DACH2: variants seen among roughly 807,000 people sequenced by gnomAD.
DACH2 encodes the protein dachshund family transcription factor 2.
DACH2 carries 17 observed loss-of-function variants against 35.8 expected under a neutral mutation model. That is an observed-to-expected ratio of 0.48 (90% CI 0.33 to 0.71). DACH2 has a LOEUF of 0.71. Among genes scored for constraint, DACH2 ranks in the 30% least tolerant of loss-of-function variants. The pLI, the probability that DACH2 is intolerant of heterozygous loss-of-function variation, is 0.02. For missense variants in DACH2, 469 were observed against 472.7 expected, an observed-to-expected ratio of 0.99 and a Z score of 0.07; for synonymous variants, 195 against 177.3, an observed-to-expected ratio of 1.10 and a Z score of -0.79.
At chrX:86,743,925 T>A (rs1478656902) in intron 7 of DACH2, among the ~76,000 whole-genome samples, 1 of 111,255 alleles carries the variant, frequency 9.0e-6, no homozygotes, top group Non-Finnish European at 1.9e-5. Flanking sequence ...TCCCACCATG[T>A]CATGATTATT....
chrX:86,430,339 AATGTTAAATAACTC>A (rs1387638018), intron 2 of DACH2, among the ~76,000 whole-genome samples: 13 of 112,300 alleles, frequency 1.2e-4, no homozygotes. Context: ...TAGTATGGAA[AATGTTAAATAACTC>A]ATTAATAATT....
rs113856961 is a variant in DACH2 at position 86,740,015 on chromosome X, C to G, written c.1240+133C>G. 9.5e-3 allele frequency: 5,497 copies of G among 578,432 alleles called. 214 individuals are homozygous for G. In the African/African-American group the frequency reaches 0.11, roughly 12 times the overall value. 47.7% of individuals were successfully genotyped at this position (578,432 alleles called of 1,213,427 possible). A position where few individuals can be genotyped will look rare whatever the true frequency, so the allele number is the denominator to read the frequency against. On this transcript the variant is annotated intron_variant, in intron 7 of 11. Coordinates refer to ENST00000373125, the MANE Select transcript of DACH2 (RefSeq NM_053281.3). ...TATAAATAGCTTTTTGAAATTTGGTCTTTTGTAATTGCTGAAACAATATGA... is the reference window on the plus strand; with the variant it reads ...TATAAATAGCTTTTTGAAATTTGGTGTTTTGTAATTGCTGAAACAATATGA...
At chrX:86,453,411 G>A (rs956078173) in intron 2 of DACH2, among the ~76,000 whole-genome samples, 1 of 111,620 alleles carries the variant, frequency 9.0e-6, no homozygotes, top group Admixed American at 9.5e-5. Flanking sequence ...TGTCAGTGAG[G>A]TTTTAACTTC....
chrX:86,480,735 A>G (rs1377306258), intron 2 of DACH2, among the ~76,000 whole-genome samples: 1 of 112,244 alleles, frequency 8.9e-6, no homozygotes, highest in Non-Finnish European at 1.9e-5. Context: ...AGAAATAAAA[A>G]CCATATAATC....
chrX:86,544,377 TA>T (rs773731370), intron 3 of DACH2, among the ~76,000 whole-genome samples: 24 of 111,142 alleles, frequency 2.2e-4, no homozygotes, highest in Non-Finnish European at 4.3e-4. Context: ...GAAAACATGT[TA>T]AAATCAGCTA....
At chrX:86,534,403 A>C (rs923545697) in intron 3 of DACH2, among the ~76,000 whole-genome samples, 3 of 112,489 alleles carry the variant, frequency 2.7e-5, no homozygotes, top group African/African-American at 9.7e-5. Context: ...GTTGGATGAC[A>C]AGATGACACA....
chrX:86,477,339 CATATATATAT>C (rs56255658), intron 2 of DACH2, among the ~76,000 whole-genome samples: 102 of 75,847 alleles, frequency 1.3e-3, no homozygotes, highest in Non-Finnish European at 1.7e-3. Flanking sequence ...GTGTTGAGTG[CATATATATAT>C]ATATATATAT....
At chrX:86,311,422 G>T (rs1416848308) in intron 1 of DACH2, among the ~76,000 whole-genome samples, 5 of 111,858 alleles carry the variant, frequency 4.5e-5, no homozygotes, top group African/African-American at 1.3e-4. Flanking sequence ...GTCTTTTGAA[G>T]TCACAATTAC....
chrX:86,235,071 G>T (rs1477175180), intron 1 of DACH2, among the ~76,000 whole-genome samples: 1 of 111,639 alleles, frequency 9.0e-6, no homozygotes, highest in Non-Finnish European at 1.9e-5. Context: ...CAGTTTCTCA[G>T]ATTTGCCTTG....
intron 2 of DACH2, among the ~76,000 whole-genome samples, chrX:86,436,953 T>C (rs767093145): frequency 1.8e-5 from 2 of 111,498 alleles, no homozygotes; most frequent in Non-Finnish European, 3.8e-5. Flanking sequence ...TATATTCATA[T>C]ACTATCCTTA....
intron 3 of DACH2, among the ~76,000 whole-genome samples, chrX:86,578,933 A>G (rs1225332102): frequency 3.6e-5 from 4 of 111,588 alleles, no homozygotes; most frequent in African/African-American, 1.3e-4. Context: ...ATATATTTCT[A>G]AATTTTAGCC....
At chrX:86,641,245 T>C (rs2040343571) in intron 3 of DACH2, among the ~76,000 whole-genome samples, 1 of 111,749 alleles carries the variant, frequency 8.9e-6, no homozygotes, top group African/African-American at 3.3e-5. Context: ...AAACAGTCAG[T>C]GTAAAGAAGA....
At chrX:86,421,433 G>A (rs923951151) in intron 2 of DACH2, among the ~76,000 whole-genome samples, 19 of 111,296 alleles carry the variant, frequency 1.7e-4, no homozygotes, top group African/African-American at 5.2e-4. Context: ...AAGATTTAAG[G>A]CAACTCATTT....
chrX:86,336,704 C>G (rs1356286701), intron 1 of DACH2, among the ~76,000 whole-genome samples: 3 of 110,643 alleles, frequency 2.7e-5, no homozygotes, highest in African/African-American at 9.9e-5. Context: ...AGCAAGGGAA[C>G]AAAACTGGAT....
chrX:86,600,200 G>GA (rs372849528), intron 3 of DACH2, among the ~76,000 whole-genome samples: 5 of 111,608 alleles, frequency 4.5e-5, no homozygotes, highest in African/African-American at 1.6e-4. Context: ...AGATTTAGCA[G>GA]ATATTTTTTA....
intron 1 of DACH2, 117 bp downstream of exon 1, chrX:86,149,225 T>G (rs2030273922): frequency 2.3e-6 from 2 of 875,208 alleles, no homozygotes; most frequent in Middle Eastern, 5.9e-4. Flanking sequence ...TTTGCCTCTA[T>G]TCTTCACGCT....
intron 3 of DACH2, among the ~76,000 whole-genome samples, chrX:86,528,408 A>G (rs138845165): frequency 1.6e-3 from 184 of 111,559 alleles, no homozygotes; most frequent in African/African-American, 5.6e-3. Context: ...TGGCAAGGGC[A>G]TTGTGAAAAA....
intron 5 of DACH2, among the ~76,000 whole-genome samples, chrX:86,705,050 C>CATATATATATATATATCTTACATATAT (rs1556379565): frequency 1.7e-4 from 13 of 75,274 alleles, no homozygotes; most frequent in African/African-American, 6.3e-4. Flanking sequence ...ATATATCTCA[C>CATATATATATATATATCTTACATATAT]ATATATATAT....
At chrX:86,676,269 T>C (rs1220040616) in intron 4 of DACH2, among the ~76,000 whole-genome samples, 1 of 112,106 alleles carries the variant, frequency 8.9e-6, no homozygotes. Context: ...AAAAAGACAT[T>C]GGTGCTTTGT....
Sources: allele counts gnomAD v4.1 joint callset (sites outside exome capture counted in the v4.1 genomes callset), GRCh38; gene constraint gnomAD v4.1.1; transcripts MANE v1.5; gene names NCBI Gene and HGNC (gene_info 2026-07-23, HGNC 2026-07-21).